MIR2052HG: variants seen among roughly 807,000 people sequenced by gnomAD.
MIR2052HG encodes MIR2052 host gene.
chr8:74,668,094 G>GCTTCTT (rs1408248579), intron 2 of MIR2052HG, among the ~76,000 whole-genome samples: 2 of 151,456 alleles, frequency 1.3e-5, no homozygotes, highest in Admixed American at 1.3e-4. Flanking sequence ...GGGGGCTATA[G>GCTTCTT]CTTCTTTCCT....
intron 2 of MIR2052HG, among the ~76,000 whole-genome samples, chr8:74,619,457 T>C (rs927554598): frequency 2.0e-5 from 3 of 152,202 alleles, no homozygotes; most frequent in African/African-American, 7.2e-5. Context: ...CACACTGCTA[T>C]GAAGAAATAT....
chr8:74,610,009 T>C (rs1308506338), intron 1 of MIR2052HG: 1 of 151,732 alleles, frequency 6.6e-6, no homozygotes, highest in African/African-American at 2.4e-5. Context: ...TGGAAAATAG[T>C]AGTCCTGTGG....
chr8:74,665,110 CT>C (rs1337694232), intron 2 of MIR2052HG, among the ~76,000 whole-genome samples: 1 of 152,174 alleles, frequency 6.6e-6, no homozygotes, highest in African/African-American at 2.4e-5. Context: ...ATTCTTCCTA[CT>C]GTGCTTGCTT....
At chr8:74,612,859 A>T (rs1389134521) in exon 2 of MIR2052HG, 3 of 456,142 alleles carry the variant, frequency 6.6e-6, no homozygotes, top group East Asian at 6.9e-5. Flanking sequence ...GCAGTTCCCG[A>T]GAGATCCCAT....
In MIR2052HG at chr8:74,700,808, G is replaced by A. The variant is rs553171130; in HGVS notation, n.217-1571G>A. Reference sequence around the variant, plus strand: ...CCAACCCATGACTGTATCCTCTCTAGGTATATGTTCTATCCCACTAAATTC... The same window carrying A: ...CCAACCCATGACTGTATCCTCTCTAAGTATATGTTCTATCCCACTAAATTC... On this transcript the variant is annotated intron_variant and non_coding_transcript_variant, in intron 2 of 6. Transcript: ENST00000523442. Among the ~76,000 whole-genome samples the A allele has an allele frequency of 2.6e-5, 4 of 151,798 alleles. No individual in the cohort carries two copies. The South Asian group carries it at 8.3e-4, about 32-fold the overall frequency.
At chr8:74,622,398 G>T (rs1039143087) in intron 2 of MIR2052HG, among the ~76,000 whole-genome samples, 5 of 152,178 alleles carry the variant, frequency 3.3e-5, no homozygotes, top group African/African-American at 1.2e-4. Flanking sequence ...GAGCTCAGGA[G>T]TTCCAGACCA....
chr8:74,706,302 A>G (rs1279507730), intron 4 of MIR2052HG, among the ~76,000 whole-genome samples: 5 of 152,132 alleles, frequency 3.3e-5, no homozygotes, highest in African/African-American at 4.8e-5. Flanking sequence ...TTGCCAAGGT[A>G]TAGCACTTGG....
At chr8:74,672,652 C>T (rs1047144178) in intron 2 of MIR2052HG, among the ~76,000 whole-genome samples, 4 of 151,968 alleles carry the variant, frequency 2.6e-5, no homozygotes, top group Non-Finnish European at 5.9e-5. Flanking sequence ...AAATACTGTT[C>T]CCAAATTTGC....
At chr8:74,603,959 G>A (rs538999550) in intron 1 of MIR2052HG, 2 of 981,312 alleles carry the variant, frequency 2.0e-6, no homozygotes, top group Admixed American at 3.4e-5. Context: ...GTGACTGGGG[G>A]TCTAGTGGCA....
At chr8:74,693,605 G>A (rs1316939654) in intron 2 of MIR2052HG, among the ~76,000 whole-genome samples, 5 of 149,682 alleles carry the variant, frequency 3.3e-5, no homozygotes, top group East Asian at 2.1e-4. Flanking sequence ...GTGCTATTGC[G>A]GGGGCGGGGG....
At chr8:74,649,066 C>CG (rs1554573597) in intron 2 of MIR2052HG, among the ~76,000 whole-genome samples, 1 of 139,330 alleles carries the variant, frequency 7.2e-6, no homozygotes, top group Non-Finnish European at 1.6e-5. Flanking sequence ...GAGACAGAGG[C>CG]AAAAAAAAAA....
At chr8:74,702,222 C>A (rs2128740941) in intron 2 of MIR2052HG, 2 of 195,072 alleles carry the variant, frequency 1.0e-5, no homozygotes, top group South Asian at 6.7e-5. Context: ...TGTCAAATGC[C>A]TTTATAGGAG....
At chr8:74,704,509 A>C (rs974118672) in intron 4 of MIR2052HG, among the ~76,000 whole-genome samples, 1 of 152,002 alleles carries the variant, frequency 6.6e-6, no homozygotes, top group Admixed American at 6.6e-5. Flanking sequence ...ATAGACTTCC[A>C]TTCCTCCTAT....
intron 2 of MIR2052HG, among the ~76,000 whole-genome samples, chr8:74,649,842 AT>A (rs1808734064): frequency 2.0e-5 from 3 of 151,632 alleles, no homozygotes; most frequent in South Asian, 2.1e-4. Context: ...AATATTTTAT[AT>A]TTTTTTTCAA....
At chr8:74,687,198 G>C (rs746311179) in intron 2 of MIR2052HG, among the ~76,000 whole-genome samples, 1 of 152,134 alleles carries the variant, frequency 6.6e-6, no homozygotes, top group Non-Finnish European at 1.5e-5. Context: ...CAAAATATAA[G>C]TGTTGGTGGG....
intron 2 of MIR2052HG, among the ~76,000 whole-genome samples, chr8:74,632,764 G>A (rs1808531685): frequency 6.6e-6 from 1 of 152,110 alleles, no homozygotes; most frequent in South Asian, 2.1e-4. Flanking sequence ...ATGGGAACTG[G>A]AAGAAATATT....
intron 1 of MIR2052HG, among the ~76,000 whole-genome samples, chr8:74,602,876 T>TCTTTCCTTCTTTCTTTCTTTCTTTCTTTC (rs1554570015): frequency 7.3e-6 from 1 of 137,064 alleles, no homozygotes; most frequent in Admixed American, 7.5e-5. Flanking sequence ...TTTCTTTCTT[T>TCTTTCCTTCTTTCTTTCTTTCTTTCTTTC]TTTCTATTCA....
intron 4 of MIR2052HG, among the ~76,000 whole-genome samples, chr8:74,734,277 G>A (rs1041492923): frequency 3.9e-5 from 6 of 152,124 alleles, no homozygotes; most frequent in African/African-American, 1.4e-4. Context: ...GATTGTTTTG[G>A]CAATATCTTA....
intron 2 of MIR2052HG, among the ~76,000 whole-genome samples, chr8:74,686,294 C>G (rs1327085351): frequency 6.6e-6 from 1 of 151,918 alleles, no homozygotes; most frequent in Non-Finnish European, 1.5e-5. Flanking sequence ...TTCTTGACAT[C>G]GACTCTTTCT....
Sources: gnomAD v4.1 joint callset for allele counts (sites outside exome capture counted in the v4.1 genomes callset) on GRCh38, gnomAD v4.1.1 for gene constraint, MANE v1.5 for transcripts, NCBI Gene and HGNC (gene_info 2026-07-23, HGNC 2026-07-21) for gene names.